ITGA9: variants seen among roughly 807,000 people sequenced by gnomAD.
ITGA9 encodes the protein integrin subunit alpha 9.
Under a neutral mutation model 127.8 loss-of-function variants are expected in ITGA9, and 56 were observed. The observed-to-expected ratio is 0.44, with a 90% CI of 0.35 to 0.55. The LOEUF (loss-of-function observed/expected upper bound fraction) is 0.55, where lower values mean the gene tolerates loss of function less well. ITGA9 is among the 20% of genes least tolerant of loss of function. ITGA9 has a pLI of 0.00. For synonymous variants in ITGA9, 508 were observed against 514.5 expected (o/e 0.99, Z 0.17); for missense variants, 1,196 against 1,347.1 (o/e 0.89, Z 1.76).
intron 22 of ITGA9, among the ~76,000 whole-genome samples, chr3:37,744,528 C>A (rs1696477282): frequency 6.6e-6 from 1 of 152,196 alleles, no homozygotes. Flanking sequence ...TGTGAGCCCC[C>A]ACGGGAGGCA....
intron 17 of ITGA9, among the ~76,000 whole-genome samples, chr3:37,666,607 T>A (rs1478672927): frequency 6.6e-6 from 1 of 152,224 alleles, no homozygotes. Flanking sequence ...TCTTACAGTG[T>A]GGCCAGGGCC....
intron 15 of ITGA9, among the ~76,000 whole-genome samples, chr3:37,576,065 G>A (rs1177240247): frequency 6.6e-6 from 1 of 152,220 alleles, no homozygotes; most frequent in Non-Finnish European, 1.5e-5. Context: ...CAGCAGCCTG[G>A]AGCCAGTGGA....
chr3:37,789,529 G>A (rs1298230551), intron 26 of ITGA9, among the ~76,000 whole-genome samples: 1 of 151,786 alleles, frequency 6.6e-6, no homozygotes, highest in Non-Finnish European at 1.5e-5. Flanking sequence ...GGAGGCCAAG[G>A]CGGGTGGACC....
chr3:37,570,750 C>G (rs1257279730), intron 15 of ITGA9, among the ~76,000 whole-genome samples: 1 of 152,066 alleles, frequency 6.6e-6, no homozygotes, highest in East Asian at 1.9e-4. Context: ...AGAATAACTG[C>G]AGGGAGTAGA....
chr3:37,513,634 T>C (rs1373282987), intron 8 of ITGA9, 129 bp from the exon 9 acceptor site: 2 of 860,736 alleles, frequency 2.3e-6, no homozygotes, highest in African/African-American at 3.5e-5. Flanking sequence ...CCCCTTCCTG[T>C]GTCCATGTGT....
chr3:37,668,103 C>G (rs1313661510), intron 17 of ITGA9, among the ~76,000 whole-genome samples: 3 of 152,158 alleles, frequency 2.0e-5, no homozygotes, highest in Non-Finnish European at 2.9e-5. Context: ...AGATAGCTCT[C>G]CCTACAGATA....
chr3:37,543,669 A>G (rs776104945), intron 15 of ITGA9, among the ~76,000 whole-genome samples: 1 of 152,184 alleles, frequency 6.6e-6, no homozygotes, highest in Non-Finnish European at 1.5e-5. Flanking sequence ...TAGTTTGAAA[A>G]GTCTGCAGAT....
intron 15 of ITGA9, among the ~76,000 whole-genome samples, chr3:37,563,257 C>A (rs553698250): frequency 2.6e-4 from 40 of 152,260 alleles, no homozygotes; most frequent in African/African-American, 9.6e-4. Flanking sequence ...TAGACTAATA[C>A]CTGTCAGATC....
At chr3:37,617,130 C>T (rs1700082754) in intron 15 of ITGA9, among the ~76,000 whole-genome samples, 1 of 152,024 alleles carries the variant, frequency 6.6e-6, no homozygotes, top group East Asian at 1.9e-4. Context: ...TTAGTGCTTC[C>T]TTCAGGAGCT....
chr3:37,458,212 C>G (rs1027533592), intron 1 of ITGA9, among the ~76,000 whole-genome samples: 5 of 152,160 alleles, frequency 3.3e-5, no homozygotes, highest in Non-Finnish European at 5.9e-5. Flanking sequence ...ATTTGGGGAA[C>G]TGAGGCTTAC....
At chr3:37,653,918 T>C in intron 17 of ITGA9, 128 bp downstream of exon 17, 1 of 702,812 alleles carries the variant, frequency 1.4e-6, no homozygotes, top group East Asian at 2.7e-5. Flanking sequence ...AGTAATATTC[T>C]GTGGTTTTAA....
At chr3:37,619,401 G>A (rs1282866809) in intron 15 of ITGA9, among the ~76,000 whole-genome samples, 3 of 152,220 alleles carry the variant, frequency 2.0e-5, no homozygotes, top group Admixed American at 2.0e-4. Flanking sequence ...TATTGGGGGA[G>A]TGCTCTCAGA....
At chr3:37,581,902 G>A (rs1285533120) in intron 15 of ITGA9, among the ~76,000 whole-genome samples, 3 of 152,184 alleles carry the variant, frequency 2.0e-5, no homozygotes, top group Admixed American at 2.0e-4. Flanking sequence ...GGTAGGAGGT[G>A]TTCACCTGGA....
chr3:37,810,396 AAAC>A (rs1220078346), intron 27 of ITGA9, among the ~76,000 whole-genome samples: 1 of 151,994 alleles, frequency 6.6e-6, no homozygotes, highest in Non-Finnish European at 1.5e-5. Context: ...AAAGATAAAT[AAAC>A]AACAGCCCTC....
intron 13 of ITGA9, among the ~76,000 whole-genome samples, chr3:37,526,859 G>A (rs1262066653): frequency 4.6e-5 from 7 of 152,212 alleles, no homozygotes; most frequent in South Asian, 2.1e-4. Context: ...CTTATTCAGC[G>A]GTACCTTCTG....
At chr3:37,505,457 G>A (rs1054565086) in intron 6 of ITGA9, among the ~76,000 whole-genome samples, 9 of 152,200 alleles carry the variant, frequency 5.9e-5, no homozygotes, top group African/African-American at 1.9e-4. Flanking sequence ...TGTACTCAAC[G>A]ATGTGGATGA....
chr3:37,576,027 G>A (rs1027707779), intron 15 of ITGA9, among the ~76,000 whole-genome samples: 4 of 152,306 alleles, frequency 2.6e-5, no homozygotes, highest in East Asian at 1.9e-4. Context: ...TGAAGGGCTC[G>A]GCCATAACCC....
intron 23 of ITGA9, among the ~76,000 whole-genome samples, chr3:37,753,317 C>A (rs560950202): frequency 2.6e-5 from 4 of 152,174 alleles, no homozygotes; most frequent in Non-Finnish European, 5.9e-5. Flanking sequence ...CACTGTCTTG[C>A]AGGAAACAGA....
intron 6 of ITGA9, 54 bp downstream of exon 6, chr3:37,503,361 C>T (rs1698807864): frequency 1.3e-6 from 2 of 1,588,104 alleles, no homozygotes; most frequent in Non-Finnish European, 1.7e-6. Context: ...GTGATTCCCA[C>T]CAGATTCACA....
Sources: gnomAD v4.1 joint callset for allele counts (sites outside exome capture counted in the v4.1 genomes callset) on GRCh38, gnomAD v4.1.1 for gene constraint, MANE v1.5 for transcripts, NCBI Gene and HGNC (gene_info 2026-07-23, HGNC 2026-07-21) for gene names.